The following CEP152 variants were observed in gnomAD, a reference collection of about 807,000 sequenced individuals.
The protein encoded by CEP152 is centrosomal protein 152, also known as centrosomal protein of 152 kDa.
Under a neutral mutation model 188.9 loss-of-function variants are expected in CEP152, and 132 were observed. The observed-to-expected ratio is 0.70, with a 90% confidence interval of 0.61 to 0.81. The LOEUF is 0.81. Among genes scored for constraint, CEP152 ranks in the 30% least tolerant of loss-of-function variants. CEP152 has a pLI of 0.00. For synonymous variants in CEP152, 649 were observed against 666.6 expected (o/e 0.97, Z 0.41); for missense variants, 1,914 against 1,969.8 (o/e 0.97, Z 0.54).
In CEP152 at chr15:48,748,545, C is replaced by T. The variant is rs1401317384; in HGVS notation, c.3532G>A (p.Ala1178Thr). The T allele has an allele frequency of 2.6e-6, 4 of 1,534,096 alleles. No homozygotes were observed. The highest frequency in any genetic ancestry group is 1.7e-6 in the Non-Finnish European group (2 of 1,145,956). The change falls in exon 22 of 27, where the codon GCA becomes ACA. Residue 1178 changes from alanine (A) to threonine (T), a missense_variant. Physicochemically the swap from Ala to Thr is moderately conservative, Grantham distance 58. Coordinates refer to ENST00000380950, the MANE Select transcript of CEP152 (RefSeq NM_001194998.2). ...CGHCFQELEK[A>T]KQECQDLKGK... ...TTCAGATCTTGACATTCCTGCTTTGCCTTTTCAAGTTCTTGGAAGCAGTGT... is the reference window on the plus strand; with the variant it reads ...TTCAGATCTTGACATTCCTGCTTTGTCTTTTCAAGTTCTTGGAAGCAGTGT...
At chr15:48,783,153 C>A (rs1896374818) in intron 10 of CEP152, 1 of 152,188 alleles carries the variant, frequency 6.6e-6, no homozygotes, top group Non-Finnish European at 1.5e-5. Context: ...AGCTACTTAC[C>A]AGCAAACAGG....
In CEP152 at chr15:48,739,006, T is replaced by A. The variant is rs747401375; in HGVS notation, c.4376A>T (p.Asn1459Ile). 2.8e-5 allele frequency: 45 copies of A among 1,614,066 alleles called. No individual in the cohort carries two copies. The highest frequency in any genetic ancestry group is 3.8e-5 in the Non-Finnish European group (45 of 1,179,986). The change falls in exon 27 of 27, where the codon AAT becomes ATT. Residue 1459 changes from asparagine to isoleucine, a missense_variant. Physicochemically the swap from Asn to Ile is moderately radical, Grantham distance 149. Coordinates refer to ENST00000380950, the MANE Select transcript of CEP152 (RefSeq NM_001194998.2). ...SCKHLNSLPR[N>I]VSPEFVPCEG... Reference sequence around the variant, plus strand: ...ACAAGGAACAAACTCAGGAGAAACATTCCTTGGCAAACTGTTTAGGTGCTT... The same window carrying A: ...ACAAGGAACAAACTCAGGAGAAACAATCCTTGGCAAACTGTTTAGGTGCTT...
chr15:48,771,458 G>T (rs775268989), intron 13 of CEP152, among the ~76,000 whole-genome samples: 8 of 152,240 alleles, frequency 5.3e-5, no homozygotes, highest in Non-Finnish European at 7.4e-5. Context: ...AAGAACATGG[G>T]CCAGGAAAAT....
chr15:48,755,893 A>G lies in CEP152; in HGVS notation c.3345+10T>C. Reference sequence around the variant, plus strand: ...GTGTTCAATACCTTCTCTCACTCTCAGGAACATACCTTTTTCCATTCTGGG... The same window carrying G: ...GTGTTCAATACCTTCTCTCACTCTCGGGAACATACCTTTTTCCATTCTGGG... On this transcript the variant is annotated intron_variant, in intron 20 of 26. Coordinates refer to ENST00000380950, the MANE Select transcript of CEP152 (RefSeq NM_001194998.2). 3 of 1,613,346 alleles carry G rather than the reference A, an allele frequency of 1.9e-6. No individual in the cohort carries two copies. Among genetic ancestry groups the G allele is most frequent in the Non-Finnish European group, 2.5e-6 (3 of 1,179,860 alleles).
At position 48,756,444 on chromosome 15, in the gene CEP152, T is replaced by TTCA. The variant is rs1566987795; in HGVS notation, c.2803_2804insTGA (p.Gln935delinsLeuLys). 6.2e-7 allele frequency: 1 copy of TTCA among 1,613,886 alleles called. No individual in the cohort carries two copies. Among genetic ancestry groups the TTCA allele is most frequent in the South Asian group, 1.1e-5 (1 of 91,070 alleles). The stretch of plus-strand genomic sequence containing the variant: ...TTCGTTCTTTAACTCAAGTTCCTTC[T>TTCA]GAAGAGAATGAATCTTCTCTTCCAA... On this transcript the variant is annotated protein_altering_variant, in exon 20 of 27. Coordinates refer to ENST00000380950, the MANE Select transcript of CEP152 (RefSeq NM_001194998.2).
chr15:48,781,343 A>C lies in CEP152; in HGVS notation c.1430T>G (p.Leu477Arg), dbSNP rs1246420138. The C allele has an allele frequency of 1.2e-6, 2 of 1,606,418 alleles. No individual in the cohort carries two copies. The highest frequency in any genetic ancestry group is 1.7e-6 in the Non-Finnish European group (2 of 1,173,944). ...NKALQEELTE[L>R]KDEISLYESA... ...TTCATAGAGAGAAATTTCATCTTTT[A>C]GTTCTGTTAATTCTTCCTACAACAC... The change falls in exon 12 of 27, where the codon CTA (leucine) becomes CGA (arginine). Residue 477 changes from leucine (L) to arginine (R), a missense_variant. Physicochemically the swap from Leu to Arg is moderately radical, Grantham distance 102. Coordinates refer to ENST00000380950, the MANE Select transcript of CEP152 (RefSeq NM_001194998.2).
intron 22 of CEP152, 25 bp downstream of exon 22, chr15:48,748,418 T>C: frequency 2.0e-6 from 3 of 1,507,750 alleles, no homozygotes. Context: ...TTCATATTGG[T>C]AGCAGTGCTA....
At chr15:48,773,558 A>G (rs1458451408) in intron 12 of CEP152, 1 of 152,270 alleles carries the variant, frequency 6.6e-6, no homozygotes, top group African/African-American at 2.4e-5. Flanking sequence ...CTGCACAGAA[A>G]AAGAGCTCTG....
chr15:48,731,386 T>C (rs1270581747), intron 2 of CEP152, among the ~76,000 whole-genome samples: 1 of 152,212 alleles, frequency 6.6e-6, no homozygotes, highest in East Asian at 1.9e-4. Context: ...GTATTATAGT[T>C]GCTATTTTAA....
chr15:48,795,588 A>G (rs558590138), intron 6 of CEP152, among the ~76,000 whole-genome samples: 173 of 152,352 alleles, frequency 1.1e-3, no homozygotes, highest in African/African-American at 4.0e-3. Flanking sequence ...ACAAATAAGG[A>G]GAAAAGGCTT....
intron 9 of CEP152, among the ~76,000 whole-genome samples, chr15:48,784,577 C>T (rs1470072837): frequency 6.6e-6 from 1 of 152,134 alleles, no homozygotes; most frequent in Non-Finnish European, 1.5e-5. Context: ...GTATTCTAAG[C>T]AGCCAAAAGT....
intron 23 of CEP152, 58 bp from the exon 24 acceptor site, chr15:48,744,401 A>G: frequency 1.9e-6 from 3 of 1,597,706 alleles, no homozygotes; most frequent in Non-Finnish European, 2.6e-6. Context: ...ATTTCATTTG[A>G]AAAATATATA....
chr15:48,745,831 T>C (rs1414795498), intron 22 of CEP152, among the ~76,000 whole-genome samples: 2 of 152,134 alleles, frequency 1.3e-5, no homozygotes, highest in African/African-American at 4.8e-5. Context: ...CTAGGAAAAA[T>C]TAACCTTTCT....
intron 14 of CEP152, 104 bp downstream of exon 14, chr15:48,768,852 T>C: frequency 1.2e-6 from 1 of 828,394 alleles, no homozygotes; most frequent in Non-Finnish European, 1.9e-6. Flanking sequence ...TATACTTGTC[T>C]ACTAACTCAC....
chr15:48,752,668 C>T (rs1411306667), intron 20 of CEP152, among the ~76,000 whole-genome samples, 199 bp from the exon 21 acceptor site: 1 of 152,082 alleles, frequency 6.6e-6, no homozygotes, highest in Non-Finnish European at 1.5e-5. Flanking sequence ...ATGAAACTTT[C>T]CAAATAAGAA....
rs368085034 is a variant in CEP152 at position 48,768,455 on chromosome 15, T to C, written c.1909-127A>G. ...CCTATAACAATATTTGACATATTAT[T>C]TTTACAATTCTGCAAAAGAAAAAGT... On this transcript the variant is annotated intron_variant, in intron 14 of 26. Coordinates refer to ENST00000380950, the MANE Select transcript of CEP152 (RefSeq NM_001194998.2). 57 of 621,674 alleles carry C rather than the reference T, an allele frequency of 9.2e-5. No individual in the cohort carries two copies. The South Asian group carries it at 1.1e-3, about 12-fold the overall frequency. The allele number at this position is 621,674 out of a possible 1,614,324, so 38.5% of individuals were successfully genotyped here.
At chr15:48,758,100 T>C (rs999392654) in intron 19 of CEP152, among the ~76,000 whole-genome samples, 1 of 152,164 alleles carries the variant, frequency 6.6e-6, no homozygotes, top group African/African-American at 2.4e-5. Context: ...AAAACAAAGT[T>C]TAAGGGTAGG....
At chr15:48,752,031 A>T (rs1486630186) in intron 21 of CEP152, among the ~76,000 whole-genome samples, 2 of 152,210 alleles carry the variant, frequency 1.3e-5, no homozygotes, top group Non-Finnish European at 2.9e-5. Flanking sequence ...TGAATGAAAA[A>T]GTCTGTATTA....
chr15:48,789,086 T>A, intron 8 of CEP152, 85 bp from the exon 9 acceptor site: 1 of 1,221,520 alleles, frequency 8.2e-7, no homozygotes, highest in Non-Finnish European at 1.2e-6. Flanking sequence ...TTACTTTTAC[T>A]ATAAAATAAA....
Sources: gnomAD v4.1 joint callset for allele counts (sites outside exome capture counted in the v4.1 genomes callset) on GRCh38, gnomAD v4.1.1 for gene constraint, MANE v1.5 for transcripts, NCBI Gene and HGNC (gene_info 2026-07-23, HGNC 2026-07-21) for gene names.